Variants in CTBP1 observed in about 807,000 individuals in gnomAD.
The protein encoded by CTBP1 is C-terminal binding protein 1.
Under a neutral mutation model 42.1 loss-of-function variants are expected in CTBP1, and 11 were observed. The ratio of observed to expected loss-of-function variants is 0.26; its 90% confidence interval spans 0.16 to 0.43. CTBP1 has a LOEUF of 0.43. CTBP1 is among the 20% of genes least tolerant of loss of function. The pLI is 1.00. For synonymous variants in CTBP1, 324 were observed against 277.1 expected, an observed-to-expected ratio of 1.17 and a Z score of -1.68; for missense variants, 399 against 624.3, an observed-to-expected ratio of 0.64 and a Z score of 3.85.
intron 1 of CTBP1, chr4:1,244,359 G>GGT: frequency 1.0e-6 from 1 of 984,218 alleles, no homozygotes; most frequent in Non-Finnish European, 1.2e-6. Flanking sequence ...GGCACTGGGG[G>GGT]GGGGGTGTTC....
At chr4:1,246,268 TGGCGCTCCACCC>T (rs1732713053) in intron 1 of CTBP1, among the ~76,000 whole-genome samples, 2 of 151,806 alleles carry the variant, frequency 1.3e-5, no homozygotes, top group South Asian at 2.1e-4. Context: ...CAGAGGACCC[TGGCGCTCCACCC>T]GGCGCTCCGA....
In CTBP1 at chr4:1,237,153, T is replaced by C. The variant is rs1043376788; in HGVS notation, c.162+1030A>G. On this transcript the variant is annotated intron_variant, in intron 3 of 9. Transcript: ENST00000382952. ...CTGATGGGGCACAGGGCAAACCGAG[T>C]GTCCACCTCCTGATGGGGCTCAGGA... The C allele has an allele frequency of 2.6e-5, 17 of 649,258 alleles. No individual in the cohort carries two copies. In the East Asian group the frequency reaches 3.4e-4, roughly 13 times the overall value. 40.2% of individuals were successfully genotyped at this position (649,258 alleles called of 1,614,324 possible).
rs564910644 is a variant in CTBP1, at chr4:1,236,715, A to G, written c.162+1468T>C. 644 of 683,284 alleles carry G rather than the reference A, an allele frequency of 9.4e-4. 7 individuals carry two copies. In the African/African-American group the frequency reaches 9.9e-3, roughly 11 times the overall value. 42.3% of individuals were successfully genotyped at this position (683,284 alleles called of 1,614,324 possible). The stretch of plus-strand genomic sequence containing the variant: ...GGGGCACAGGGCAAACCAAGTGTCC[A>G]CCTCCTGATGGGGCACAGGGCAAAC... On this transcript the variant is annotated intron_variant, in intron 3 of 9. Coordinates refer to ENST00000382952, the MANE Select transcript of CTBP1 (RefSeq NM_001012614.2).
At chr4:1,245,026 T>G in intron 1 of CTBP1, 1 of 985,384 alleles carries the variant, frequency 1.0e-6, no homozygotes, top group African/African-American at 1.7e-5. Context: ...ATGGAGCCAC[T>G]GGGCTGAGAG....
In CTBP1 at chr4:1,235,108, G is replaced by A. The variant is rs1731351648; in HGVS notation, c.162+3075C>T. On this transcript the variant is annotated intron_variant, in intron 3 of 9. Coordinates refer to ENST00000382952, the MANE Select transcript of CTBP1 (RefSeq NM_001012614.2). This position sits in a 1 kb window ranked among gnomAD's most constrained non-coding sequence, Gnocchi z 4.2. ...TGCTGAGGAGGACACCGAGGGAGGTGGCCAGCATTTGCCTGGCCACTCACC... is the reference window on the plus strand; with the variant it reads ...TGCTGAGGAGGACACCGAGGGAGGTAGCCAGCATTTGCCTGGCCACTCACC... 1 of 152,216 alleles carries A rather than the reference G, an allele frequency of 6.6e-6. No individual in the cohort carries two copies. Among genetic ancestry groups the A allele is most frequent in the African/African-American group, 2.4e-5 (1 of 41,446 alleles). 9.4% of individuals were successfully genotyped at this position (152,216 alleles called of 1,614,324 possible).
Position 1,243,469 on chromosome 4 carries a change from G to A in CTBP1, c.-188-1950C>T. Reference sequence around the variant, plus strand: ...TCCAAGGCTGCTCCAGTTCAGGACAGACACCTGAGGCCCAGCACCTGGTTC... The same window carrying A: ...TCCAAGGCTGCTCCAGTTCAGGACAAACACCTGAGGCCCAGCACCTGGTTC... On this transcript the variant is annotated intron_variant, in intron 1 of 9. Transcript: ENST00000382952. The A allele has an allele frequency of 6.1e-6, 6 of 985,372 alleles. No homozygotes were observed. In the East Asian group the frequency reaches 4.5e-4, roughly 75 times the overall value. The allele number at this position is 985,372 out of a possible 1,614,324, so 61.0% of individuals were successfully genotyped here.
At position 1,212,005 on chromosome 4, in the gene CTBP1, A is replaced by G. The variant is rs1577008234; in HGVS notation, c.*235T>C. 2.6e-6 allele frequency: 1 copy of G among 383,824 alleles called. No individual in the cohort carries two copies. Among genetic ancestry groups the G allele is most frequent in the Non-Finnish European group, 4.6e-6 (1 of 217,088 alleles). 23.8% of individuals were successfully genotyped at this position (383,824 alleles called of 1,614,324 possible). On this transcript the variant is annotated 3_prime_UTR_variant, in exon 10 of 10. Coordinates refer to ENST00000382952, the MANE Select transcript of CTBP1 (RefSeq NM_001012614.2). ...CACAGACAAGAACGTTCATGGGAGA[A>G]TAACTACTGACTTCTTCTGCTTAAC...
Position 1,212,126 on chromosome 4 carries a change from CG to C in CTBP1, c.*113del, listed in dbSNP as rs1560222179. 2.1e-6 allele frequency: 2 copies of C among 934,562 alleles called. No individual in the cohort carries two copies. The highest frequency in any genetic ancestry group is 3.0e-6 in the Non-Finnish European group (2 of 677,738). The allele number at this position is 934,562 out of a possible 1,614,324, so 57.9% of individuals were successfully genotyped here. A position where few individuals can be genotyped will look rare whatever the true frequency, so the allele number is the denominator to read the frequency against. ...TGCCCCCTCCCGCCTCCTGACAGCC[CG>C]GACCAGTCTCTGCAGTGCCAGGGCC... On this transcript the variant is annotated 3_prime_UTR_variant, in exon 10 of 10. Coordinates refer to ENST00000382952, the MANE Select transcript of CTBP1 (RefSeq NM_001012614.2).
At chr4:1,237,975 G>A (rs1215399093) in intron 3 of CTBP1, 1 of 731,994 alleles carries the variant, frequency 1.4e-6, no homozygotes, top group Non-Finnish European at 2.4e-6. Context: ...CTCCTGATGG[G>A]GCTCAGGGCA....
upstream of CTBP1, chr4:1,249,310 G>A (rs1733110627): frequency 6.7e-6 from 1 of 149,956 alleles, no homozygotes; most frequent in Non-Finnish European, 1.5e-5. Flanking sequence ...GGAGGCCCCG[G>A]GCCTGGTGTT....
At chr4:1,213,184 TG>T in intron 8 of CTBP1, 154 bp from the exon 9 acceptor site, 1 of 761,820 alleles carries the variant, frequency 1.3e-6, no homozygotes, top group South Asian at 1.7e-5. Flanking sequence ...CCTGTCTCTC[TG>T]GGCACTGGCA....
chr4:1,219,036 A>G (rs1729452964), intron 5 of CTBP1, among the ~76,000 whole-genome samples: 1 of 152,106 alleles, frequency 6.6e-6, no homozygotes, highest in Non-Finnish European at 1.5e-5. Context: ...CACACTTTAA[A>G]CATAAAAGAC....
chr4:1,213,459 G>T lies in CTBP1; in HGVS notation c.988+19C>A. 6.2e-7 allele frequency: 1 copy of T among 1,607,366 alleles called. No individual in the cohort carries two copies. Among genetic ancestry groups the T allele is most frequent in the Non-Finnish European group, 8.5e-7 (1 of 1,179,734 alleles). On this transcript the variant is annotated intron_variant, in intron 8 of 9. Coordinates refer to ENST00000382952, the MANE Select transcript of CTBP1 (RefSeq NM_001012614.2). ...CAGGAAGGGACCCCCAGGCCTGACC[G>T]AGCGGCCCCCACGCCCACCTGTGAT...
rs1731190010 is a variant in CTBP1, at chr4:1,233,658, C to G, written c.162+4525G>C. 6.6e-6 allele frequency among the ~76,000 whole-genome samples: 1 copy of G among 152,162 alleles called. No homozygotes were observed. The highest frequency in any genetic ancestry group is 1.5e-5 in the Non-Finnish European group (1 of 68,024). Reference sequence around the variant, plus strand: ...TTGTGTCCCGGTGGGTGACATCCCCCACCCGTGGTATCAGTAAAATCCCAG... The same window carrying G: ...TTGTGTCCCGGTGGGTGACATCCCCGACCCGTGGTATCAGTAAAATCCCAG... On this transcript the variant is annotated intron_variant, in intron 3 of 9. Transcript: ENST00000382952. The surrounding 1 kb of genome is among the most constrained non-coding windows in gnomAD (Gnocchi z 4.6).
Position 1,216,023 on chromosome 4 carries a change from G to A in CTBP1, c.697C>T (p.His233Tyr). 1 of 1,611,434 alleles carries A rather than the reference G, an allele frequency of 6.2e-7. No homozygotes were observed. ...TLHCGLNEHN[H>Y]HLINDFTVKQ... is the part of the protein sequence containing the mutation. ...ACGGTGAAGTCGTTGATGAGGTGGT[G>A]GTTGTGCTCGTTGAGGCCGCAGTGC... Residue 233 changes from histidine (H) to tyrosine (Y), a missense_variant, in exon 6 of 10, where the codon CAC (histidine) becomes TAC (tyrosine). By Grantham distance (83) the His-to-Tyr change is moderately conservative. Coordinates refer to ENST00000382952, the MANE Select transcript of CTBP1 (RefSeq NM_001012614.2).
chr4:1,221,849 T>C, intron 5 of CTBP1: 1 of 424,588 alleles, frequency 2.4e-6, no homozygotes, highest in South Asian at 1.7e-5. Flanking sequence ...CCTAAGACAG[T>C]GCATTTTTCA....
intron 1 of CTBP1, chr4:1,242,489 C>A (rs1299609277): frequency 2.0e-6 from 2 of 984,956 alleles, no homozygotes; most frequent in African/African-American, 1.8e-5. Flanking sequence ...GCCGCCCCTG[C>A]GCAGAGGCCT....
intron 1 of CTBP1, among the ~76,000 whole-genome samples, chr4:1,248,417 G>A (rs868795303): frequency 1.3e-5 from 2 of 150,658 alleles, no homozygotes; most frequent in South Asian, 2.1e-4. Context: ...GTCGCCGGCG[G>A]CCTCCCCGCG....
At chr4:1,245,137 C>A in intron 1 of CTBP1, 2 of 985,450 alleles carry the variant, frequency 2.0e-6, no homozygotes, top group Non-Finnish European at 2.4e-6. Flanking sequence ...CTGCCCAAGT[C>A]ATCCACGAGC....
Sources: gnomAD v4.1 joint callset for allele counts (sites outside exome capture counted in the v4.1 genomes callset) on GRCh38, gnomAD v4.1.1 for gene constraint, Gnocchi (gnomAD v3.1) non-coding constraint, MANE v1.5 for transcripts, NCBI Gene and HGNC (gene_info 2026-07-23, HGNC 2026-07-21) for gene names.